THADA: variants seen among roughly 807,000 people sequenced by gnomAD.
THADA encodes THADA armadillo repeat containing, also known as tRNA (32-2'-O)-methyltransferase regulator THADA.
A neutral mutation model predicts 219.8 loss-of-function variants in THADA; 213 were observed. The observed-to-expected ratio is 0.97, with a 90% confidence interval of 0.87 to 1.09. The LOEUF (loss-of-function observed/expected upper bound fraction) is 1.09, where lower values mean the gene tolerates loss of function less well. Among genes scored for constraint, THADA ranks in the 50% least tolerant of loss-of-function variants. The pLI, the probability that THADA is intolerant of heterozygous loss-of-function variation, is 0.00. For missense variants in THADA, 2,956 were observed against 2,311.3 expected (o/e 1.28, Z -5.72); for synonymous variants, 1,018 against 828.9 (o/e 1.23, Z -3.92).
intron 26 of THADA, among the ~76,000 whole-genome samples, chr2:43,432,995 T>G (rs1483341235): frequency 6.6e-6 from 1 of 152,152 alleles, no homozygotes; most frequent in Non-Finnish European, 1.5e-5. Context: ...TTTAATCAAT[T>G]TTTTTCTTTA....
At position 43,320,303 on chromosome 2, in the gene THADA, T is replaced by C. The variant is rs113790069; in HGVS notation, c.4438+143A>G. The C allele has an allele frequency of 4.3e-3, 2,244 of 527,298 alleles. 11 individuals are homozygous for C. Among genetic ancestry groups the C allele is most frequent in the Middle Eastern group, 0.014 (50 of 3,552 alleles). 32.7% of individuals were successfully genotyped at this position (527,298 alleles called of 1,614,324 possible). A position where few individuals can be genotyped will look rare whatever the true frequency, so the allele number is the denominator to read the frequency against. On this transcript the variant is annotated intron_variant, in intron 31 of 37. Coordinates refer to ENST00000405975, the MANE Select transcript of THADA (RefSeq NM_022065.5). ...CCCTGACAAACTTCTATGAGGGAAC[T>C]ATATGACACTGTTTAATTTTGATGT...
Position 43,577,056 on chromosome 2 carries a change from C to A in THADA, c.1003G>T (p.Asp335Tyr). The change falls in exon 10 of 38, where the codon GAT becomes TAT. Residue 335 changes from aspartate to tyrosine, a missense_variant. Transcript: ENST00000405975. ...AAGGTGAACAAAACATGTGCAGTAT[C>A]CAAGAGCAGGGCCTCCCCACTCCGA... Reference protein sequence around the residue: ...MGRSGEALLLDTAHVLFTLSS... With the variant: ...MGRSGEALLLYTAHVLFTLSS... 1.2e-6 allele frequency: 2 copies of A among 1,613,380 alleles called. No individual in the cohort carries two copies. The highest frequency in any genetic ancestry group is 1.7e-6 in the Non-Finnish European group (2 of 1,179,690).
At chr2:43,472,565 T>C (rs1320208164) in intron 26 of THADA, among the ~76,000 whole-genome samples, 4 of 152,230 alleles carry the variant, frequency 2.6e-5, no homozygotes, top group African/African-American at 9.7e-5. Flanking sequence ...GCTAGGTTTC[T>C]GGGGAAAACC....
rs572454235 is a variant in THADA at position 43,543,319 on chromosome 2, G to A, written c.3107-2003C>T. 4.1e-3 allele frequency among the ~76,000 whole-genome samples: 595 copies of A among 145,012 alleles called. 1 individual carries two copies. Among genetic ancestry groups the A allele is most frequent in the Non-Finnish European group, 6.8e-3 (452 of 66,140 alleles). On this transcript the variant is annotated intron_variant, in intron 20 of 37. Transcript: ENST00000405975. ...TTCCAAGTCTTTGCTATTGTGAATA[G>A]TGCCGCAATAAACATACATGTGCAT...
intron 28 of THADA, among the ~76,000 whole-genome samples, chr2:43,405,918 A>G (rs1675473767): frequency 6.6e-6 from 1 of 152,240 alleles, no homozygotes; most frequent in African/African-American, 2.4e-5. Context: ...AGAACATCTG[A>G]AAACTGTAGT....
Position 43,417,862 on chromosome 2 carries a change from C to T in THADA, c.4058+10238G>A, listed in dbSNP as rs1038092615. The stretch of plus-strand genomic sequence containing the variant: ...AGAAAGTTCCTACTGCCCAACATTC[C>T]CCCCCTCTGTGGAATGGGATAGTAA... On this transcript the variant is annotated intron_variant, in intron 28 of 37. Coordinates refer to ENST00000405975, the MANE Select transcript of THADA (RefSeq NM_022065.5). 3.9e-5 allele frequency among the ~76,000 whole-genome samples: 6 copies of T among 152,150 alleles called. No individual in the cohort carries two copies. The East Asian group carries it at 9.6e-4, about 24-fold the overall frequency.
intron 30 of THADA, among the ~76,000 whole-genome samples, chr2:43,341,352 G>A (rs2104528468): frequency 6.6e-6 from 1 of 152,278 alleles, no homozygotes; most frequent in East Asian, 1.9e-4. Flanking sequence ...TCAGAAGTGG[G>A]GTGGGGAGCA....
At chr2:43,235,401 C>A (rs560101072) in intron 36 of THADA, among the ~76,000 whole-genome samples, 1 of 152,262 alleles carries the variant, frequency 6.6e-6, no homozygotes, top group East Asian at 1.9e-4. Context: ...TTAAGAGATT[C>A]TCCTGCCTCA....
intron 26 of THADA, among the ~76,000 whole-genome samples, chr2:43,466,959 G>A (rs1684314257): frequency 6.6e-6 from 1 of 151,516 alleles, no homozygotes; most frequent in Non-Finnish European, 1.5e-5. Context: ...GAGGCGGGCG[G>A]ATCACGAGGT....
intron 29 of THADA, among the ~76,000 whole-genome samples, chr2:43,390,993 G>A (rs1673306803): frequency 6.6e-6 from 1 of 152,144 alleles, no homozygotes; most frequent in Non-Finnish European, 1.5e-5. Context: ...AAACGATCCT[G>A]GGCTTGAATC....
chr2:43,261,596 G>A lies in THADA; in HGVS notation c.5296+18169C>T, dbSNP rs190755516. Among the ~76,000 whole-genome samples, 207 of 150,426 alleles carry A rather than the reference G, an allele frequency of 1.4e-3. 2 individuals are homozygous for A. Among genetic ancestry groups the A allele is most frequent in the African/African-American group, 4.6e-3 (189 of 40,996 alleles). On this transcript the variant is annotated intron_variant, in intron 36 of 37. Coordinates refer to ENST00000405975, the MANE Select transcript of THADA (RefSeq NM_022065.5). ...CTGCCTCAGCCTCCCAAGTAGGTGG[G>A]ATTACAGGTGCATGCCACTAATGCC...
intron 26 of THADA, among the ~76,000 whole-genome samples, chr2:43,483,437 T>C (rs536259729): frequency 6.6e-6 from 1 of 152,320 alleles, no homozygotes; most frequent in Admixed American, 6.5e-5. Context: ...CCAAGAAATA[T>C]ATCTTCATGG....
At chr2:43,534,349 C>G (rs1694281133) in intron 21 of THADA, among the ~76,000 whole-genome samples, 1 of 152,080 alleles carries the variant, frequency 6.6e-6, no homozygotes, top group Admixed American at 6.6e-5. Flanking sequence ...CTGCTTCTAG[C>G]TATTTGGAAT....
At chr2:43,466,851 T>C (rs1684298207) in intron 26 of THADA, among the ~76,000 whole-genome samples, 1 of 152,128 alleles carries the variant, frequency 6.6e-6, no homozygotes, top group African/African-American at 2.4e-5. Flanking sequence ...TAAATGTGAG[T>C]AATTTTATTC....
At chr2:43,328,999 C>T (rs766044300) in intron 30 of THADA, among the ~76,000 whole-genome samples, 2 of 152,114 alleles carry the variant, frequency 1.3e-5, no homozygotes, top group African/African-American at 2.4e-5. Flanking sequence ...AAGCTATGTG[C>T]GGAGAATGAT....
intron 25 of THADA, among the ~76,000 whole-genome samples, chr2:43,497,814 A>C (rs1197913267): frequency 6.6e-6 from 1 of 151,996 alleles, no homozygotes; most frequent in African/African-American, 2.4e-5. Flanking sequence ...GAACCCAGGA[A>C]GCAGAGGTTG....
chr2:43,566,824 T>TAAAAAA lies in THADA; in HGVS notation c.2188-9_2188-4dup. 4.2e-6 allele frequency: 5 copies of TAAAAAA among 1,204,112 alleles called. No individual in the cohort carries two copies. Among genetic ancestry groups the TAAAAAA allele is most frequent in the African/African-American group, 1.6e-5 (1 of 61,138 alleles). 74.6% of individuals were successfully genotyped at this position (1,204,112 alleles called of 1,614,324 possible). On this transcript the variant is annotated splice_region_variant and splice_polypyrimidine_tract_variant and intron_variant, in intron 14 of 37. Transcript: ENST00000405975. ...TTACAAATGGATGACATGAAATTCT[T>TAAAAAA]AAAAAAAAAAAAAAAATTACAGTAA...
At chr2:43,489,874 C>CAAAAAAAAAAAAAATAAAA (rs1687407622) in intron 25 of THADA, among the ~76,000 whole-genome samples, 1 of 56,088 alleles carries the variant, frequency 1.8e-5, no homozygotes, top group Non-Finnish European at 3.8e-5. Flanking sequence ...TTAAGATCTG[C>CAAAAAAAAAAAAAATAAAA]AAAAAAAAAA....
rs1364888601 is a variant in THADA at position 43,591,952 on chromosome 2, C to G, written c.171G>C (p.Gln57His). ...DGVSQIHYIK[Q>H]IVPLLEKADK... ...TCCATGAATATCAATTCAGACTTAC[C>G]TGTTTAATATAATGGATTTGTGACA... The change falls in exon 3 of 38, where the codon CAG becomes CAC. Residue 57 changes from glutamine (Q) to histidine (H), a missense_variant and splice_region_variant. Coordinates refer to ENST00000405975, the MANE Select transcript of THADA (RefSeq NM_022065.5). The G allele has an allele frequency of 2.6e-6, 4 of 1,514,502 alleles. No homozygotes were observed. The highest frequency in any genetic ancestry group is 2.8e-5 in the African/African-American group (2 of 71,918). The allele number at this position is 1,514,502 out of a possible 1,614,324, so 93.8% of individuals were successfully genotyped here.
Sources: gnomAD v4.1 joint callset for allele counts (sites outside exome capture counted in the v4.1 genomes callset) on GRCh38, gnomAD v4.1.1 for gene constraint, MANE v1.5 for transcripts, NCBI Gene and HGNC (gene_info 2026-07-23, HGNC 2026-07-21) for gene names.